The following SNRNP200 variants were observed in gnomAD, a reference collection of about 807,000 sequenced individuals.
The protein encoded by SNRNP200 is small nuclear ribonucleoprotein U5 subunit 200.
A neutral mutation model predicts 255.2 loss-of-function variants in SNRNP200; 66 were observed. That is an observed-to-expected ratio of 0.26 (90% CI 0.21 to 0.32). The LOEUF (loss-of-function observed/expected upper bound fraction) is 0.32. SNRNP200 is among the 10% of genes least tolerant of loss of function. SNRNP200 has a pLI of 1.00. For missense variants in SNRNP200, 1,585 were observed against 2,749.8 expected (o/e 0.58, Z 9.47); for synonymous variants, 939 against 1,027.8 (o/e 0.91, Z 1.65).
At position 96,286,983 on chromosome 2, in the gene SNRNP200, A is replaced by G. The variant is rs748570910; in HGVS notation, c.3639+23T>C. 91 of 1,613,722 alleles carry G rather than the reference A, an allele frequency of 5.6e-5. No individual in the cohort carries two copies. Among genetic ancestry groups the G allele is most frequent in the Middle Eastern group, 4.9e-4 (3 of 6,084 alleles). On this transcript the variant is annotated intron_variant, in intron 27 of 44. Coordinates refer to ENST00000323853, the MANE Select transcript of SNRNP200 (RefSeq NM_014014.5). The surrounding 1 kb of genome is among the most constrained non-coding windows in gnomAD (Gnocchi z 4.8). ...GTAGACTGAGCACCTCCAATCCAGC[A>G]CCTCTGCCCAGCAAAGCCTCACCTT...
In SNRNP200 at chr2:96,278,555, G is replaced by A; in HGVS notation, c.5480C>T (p.Thr1827Ile). The A allele has an allele frequency of 6.2e-7, 1 of 1,614,060 alleles. No individual in the cohort carries two copies. Among genetic ancestry groups the A allele is most frequent in the East Asian group, 2.2e-5 (1 of 44,888 alleles). ...GCCATGCCGGGCCTCACCAATGGTG[G>A]TGTAGTTGATGTAATAGTAGGCGGC... is the stretch of plus-strand genomic sequence containing the variant. ...MIAAYYYINY[T>I]TIELFSMSLN... is the part of the protein sequence containing the mutation. Residue 1827 changes from threonine to isoleucine, a missense_variant, in exon 38 of 45, where the codon ACC (threonine) becomes ATC (isoleucine). Around this residue, in one of 9 missense-constraint regions of SNRNP200, gnomAD observed 279 missense variants for 551.2 expected, o/e 0.51. Coordinates refer to ENST00000323853, the MANE Select transcript of SNRNP200 (RefSeq NM_014014.5). The surrounding 1 kb of genome is among the most constrained non-coding windows in gnomAD (Gnocchi z 6.9).
At position 96,285,328 on chromosome 2, in the gene SNRNP200, A is replaced by G. The variant is rs2063837698; in HGVS notation, c.4016T>C (p.Val1339Ala). ...NPIQTQVFNT[V>A]YNSDDNVFVG... ...AAACACGTTGTCGTCACTGTTGTAT[A>G]CAGTGTTAAACACTGGAAACCAACA... Residue 1339 changes from valine (V) to alanine (A), a missense_variant, in exon 30 of 45, where the codon GTA becomes GCA. By Grantham distance (64) the Val-to-Ala change is moderately conservative. Coordinates refer to ENST00000323853, the MANE Select transcript of SNRNP200 (RefSeq NM_014014.5). 1 of 1,614,018 alleles carries G rather than the reference A, an allele frequency of 6.2e-7. No homozygotes were observed. The highest frequency in any genetic ancestry group is 1.7e-5 in the Admixed American group (1 of 60,012).
In SNRNP200 at chr2:96,298,620, C is replaced by T. The variant is rs2063934346; in HGVS notation, c.965G>A (p.Arg322Gln). 2 of 1,614,154 alleles carry T rather than the reference C, an allele frequency of 1.2e-6. No individual in the cohort carries two copies. Among genetic ancestry groups the T allele is most frequent in the Non-Finnish European group, 1.7e-6 (2 of 1,180,014 alleles). ...ATACTCACTCATCATCCTGTGCTGC[C>T]GCAACACTTTAATGAAATCAAAGGT... ...FNTFDFIKVL[R>Q]QHRMMILYCT... The change falls in exon 8 of 45, where the codon CGG becomes CAG. Residue 322 changes from arginine to glutamine, a missense_variant. Arg to Gln is a conservative substitution (Grantham distance 43). This residue lies in a region of SNRNP200 where 383 missense variants were observed against 645.3 expected (regional missense o/e 0.59). Transcript: ENST00000323853.
intron 6 of SNRNP200, 141 bp downstream of exon 6, chr2:96,299,188 A>T: frequency 1.0e-6 from 1 of 970,166 alleles, no homozygotes; most frequent in South Asian, 1.3e-5. Flanking sequence ...AAATTTTAAG[A>T]AACTCTAGAC....
intron 35 of SNRNP200, among the ~76,000 whole-genome samples, chr2:96,280,981 T>A (rs1359361983): frequency 1.3e-5 from 2 of 151,476 alleles, no homozygotes; most frequent in South Asian, 2.1e-4. Context: ...GCCTCCCAAG[T>A]GGCTTGAATT....
chr2:96,301,951 C>T (rs1277650311), intron 3 of SNRNP200, among the ~76,000 whole-genome samples: 5 of 152,166 alleles, frequency 3.3e-5, no homozygotes, highest in Non-Finnish European at 7.4e-5. Context: ...AACAGCTTGC[C>T]ACACTCCAGG....
chr2:96,292,321 G>A (rs546080229), intron 16 of SNRNP200, among the ~76,000 whole-genome samples: 3 of 152,302 alleles, frequency 2.0e-5, no homozygotes, highest in Admixed American at 6.5e-5. Context: ...CACTGTTGTA[G>A]GGAATGAAGT....
Position 96,279,573 on chromosome 2 carries a change from C to G in SNRNP200, c.5025-14G>C. 6.3e-7 allele frequency: 1 copy of G among 1,588,666 alleles called. No individual in the cohort carries two copies. On this transcript the variant is annotated splice_polypyrimidine_tract_variant and intron_variant, in intron 35 of 44. Transcript: ENST00000323853. ...TAATCCACATAGCTGGTGACAGAAG[C>G]AGGGAAAGAAGGAAAAGCCACCTCA...
At position 96,305,452 on chromosome 2, in the gene SNRNP200, G is replaced by C. The variant is rs1558773968; in HGVS notation, c.-15C>G. ...ACATCCGCCATGGCCGCGGCTGCTC[G>C]GAGGCTTCAGACCACCACGCCTCCC... On this transcript the variant is annotated 5_prime_UTR_variant, in exon 1 of 45. Coordinates refer to ENST00000323853, the MANE Select transcript of SNRNP200 (RefSeq NM_014014.5). The C allele has an allele frequency of 1.9e-6, 3 of 1,613,888 alleles. No homozygotes were observed. The highest frequency in any genetic ancestry group is 2.2e-5 in the South Asian group (2 of 91,086).
rs1486518310 is a variant in SNRNP200 at position 96,278,786 on chromosome 2, C to T, written c.5323+23G>A. The stretch of plus-strand genomic sequence containing the variant: ...GACTGTGAGAACCACCAAAGGATCA[C>T]GTGTGCTCCCAAGCCCACTGACCCT... On this transcript the variant is annotated intron_variant, in intron 37 of 44. Transcript: ENST00000323853. The surrounding 1 kb of genome is among the most constrained non-coding windows in gnomAD (Gnocchi z 6.9). 1 of 1,614,140 alleles carries T rather than the reference C, an allele frequency of 6.2e-7. No individual in the cohort carries two copies.
At position 96,290,949 on chromosome 2, in the gene SNRNP200, G is replaced by C. The variant is rs1012928212; in HGVS notation, c.2422-134C>G. Reference sequence around the variant, plus strand: ...TAGGGCGCGTGGGGTCCCAGTACTTGTCAATGTGACACCAGAATAAAGAGG... The same window carrying C: ...TAGGGCGCGTGGGGTCCCAGTACTTCTCAATGTGACACCAGAATAAAGAGG... On this transcript the variant is annotated intron_variant, in intron 18 of 44. Transcript: ENST00000323853. This position sits in a 1 kb window ranked among gnomAD's most constrained non-coding sequence, Gnocchi z 4.5. The C allele has an allele frequency of 3.2e-6, 3 of 943,074 alleles. No individual in the cohort carries two copies. In the African/African-American group the frequency reaches 4.9e-5, roughly 15 times the overall value. 58.4% of individuals were successfully genotyped at this position (943,074 alleles called of 1,614,324 possible).
chr2:96,279,265 C>T (rs145826512), intron 36 of SNRNP200, 186 bp downstream of exon 36: 453 of 664,470 alleles, frequency 6.8e-4, no homozygotes, highest in Non-Finnish European at 1.1e-3. Flanking sequence ...GTGGAGCCAA[C>T]GGCAGCAGCA....
rs765331793 is a variant in SNRNP200 at position 96,283,142 on chromosome 2, GTT to G, written c.4915+57_4915+58del. 4 of 1,606,840 alleles carry G rather than the reference GTT, an allele frequency of 2.5e-6. No individual in the cohort carries two copies. The South Asian group carries it at 4.4e-5, about 18-fold the overall frequency. ...AAACACTGCCACCCGCACCCCTCAA[GTT>G]TAACACCACCACTTGGTGATACCCT... On this transcript the variant is annotated intron_variant, in intron 34 of 44. Coordinates refer to ENST00000323853, the MANE Select transcript of SNRNP200 (RefSeq NM_014014.5). The surrounding 1 kb of genome is among the most constrained non-coding windows in gnomAD (Gnocchi z 4.7).
chr2:96,303,891 A>G (rs1044407886), intron 2 of SNRNP200, among the ~76,000 whole-genome samples: 5 of 150,400 alleles, frequency 3.3e-5, no homozygotes, highest in Non-Finnish European at 3.0e-5. Context: ...TCCGTCTCAA[A>G]AAAAAAAAAA....
intron 35 of SNRNP200, 59 bp downstream of exon 35, chr2:96,281,755 G>C: frequency 7.6e-7 from 1 of 1,311,610 alleles, no homozygotes; most frequent in East Asian, 2.3e-5. Context: ...TGTATCTGCA[G>C]ATTCACATTC....
chr2:96,276,978 G>A lies in SNRNP200; in HGVS notation c.6100C>T (p.Pro2034Ser). 6.2e-7 allele frequency: 1 copy of A among 1,613,928 alleles called. No homozygotes were observed. The highest frequency in any genetic ancestry group is 8.5e-7 in the Non-Finnish European group (1 of 1,180,022). ...VDKDSIRSGG[P>S]VVVLVQLERE... ...TCCAGCTGCACCAGCACCACAACTG[G>A]CCCGCCACTGCAGGGGGAGAGGAGG... Residue 2034 changes from proline (P) to serine (S), a missense_variant, in exon 43 of 45, where the codon CCA becomes TCA. Physicochemically the swap from Pro to Ser is moderately conservative, Grantham distance 74 (BLOSUM62 -1). This residue lies in a region of SNRNP200 where 279 missense variants were observed against 551.2 expected (regional missense o/e 0.51). Coordinates refer to ENST00000323853, the MANE Select transcript of SNRNP200 (RefSeq NM_014014.5).
Position 96,288,711 on chromosome 2 carries a change from C to T in SNRNP200, c.3210G>A (p.Leu1070=), listed in dbSNP as rs752845875. Reference sequence around the variant, plus strand: ...CCATCAGTGCAAAGCCCTCCAATTTCAGCTGTGAGATGAAGGCTTGCAGAA... The same window carrying T: ...CCATCAGTGCAAAGCCCTCCAATTTTAGCTGTGAGATGAAGGCTTGCAGAA... ...NVLLQAFISQ[L]KLEGFALMAD... is the part of the protein sequence containing the mutation. Residue 1070 remains leucine, a synonymous_variant, in exon 24 of 45, where the codon CTG becomes CTA. Coordinates refer to ENST00000323853, the MANE Select transcript of SNRNP200 (RefSeq NM_014014.5). 1.2e-6 allele frequency: 2 copies of T among 1,614,008 alleles called. No homozygotes were observed. The highest frequency in any genetic ancestry group is 8.5e-7 in the Non-Finnish European group (1 of 1,180,024).
At chr2:96,304,684 T>C (rs202091072) in intron 2 of SNRNP200, 21 bp downstream of exon 2, 16 of 1,613,766 alleles carry the variant, frequency 9.9e-6, no homozygotes, top group South Asian at 5.5e-5. Context: ...AAGGAAAAAA[T>C]AGTATCCCCT....
In SNRNP200 at chr2:96,286,284, C is replaced by T; in HGVS notation, c.4003+27G>A. ...TCTGTCTCCCGGTGACTTCAAAAGCCTCCAGAGGAGGGATGGAAACACTTA... is the reference window on the plus strand; with the variant it reads ...TCTGTCTCCCGGTGACTTCAAAAGCTTCCAGAGGAGGGATGGAAACACTTA... On this transcript the variant is annotated intron_variant, in intron 29 of 44. Coordinates refer to ENST00000323853, the MANE Select transcript of SNRNP200 (RefSeq NM_014014.5). This position sits in a 1 kb window ranked among gnomAD's most constrained non-coding sequence, Gnocchi z 4.8. The T allele has an allele frequency of 6.2e-7, 1 of 1,612,504 alleles. No individual in the cohort carries two copies. The highest frequency in any genetic ancestry group is 8.5e-7 in the Non-Finnish European group (1 of 1,178,774).
Sources: allele counts gnomAD v4.1 joint callset (sites outside exome capture counted in the v4.1 genomes callset), GRCh38; gene constraint gnomAD v4.1.1; regional missense constraint gnomAD v4.1.1; non-coding constraint Gnocchi (gnomAD v3.1); transcripts MANE v1.5; gene names NCBI Gene and HGNC (gene_info 2026-07-23, HGNC 2026-07-21).